Variants in CADPS observed in about 807,000 individuals in gnomAD.
CADPS encodes calcium dependent secretion activator.
CADPS carries 57 observed loss-of-function variants against 167.3 expected under a neutral mutation model. That is an observed-to-expected ratio of 0.34 (90% confidence interval 0.28 to 0.42). The LOEUF (loss-of-function observed/expected upper bound fraction) is 0.42, where lower values mean the gene tolerates loss of function less well. Among genes scored for constraint, CADPS ranks in the 20% least tolerant of loss-of-function variants. CADPS has a pLI of 1.00. For missense variants in CADPS, 1,414 were observed against 1,738.1 expected (o/e 0.81, Z 3.32); for synonymous variants, 676 against 635.3 (o/e 1.06, Z -0.96).
At chr3:62,561,635 C>T (rs1577849329) in intron 9 of CADPS, among the ~76,000 whole-genome samples, 2 of 152,022 alleles carry the variant, frequency 1.3e-5, no homozygotes, top group South Asian at 4.1e-4. Context: ...CTGTCCATAA[C>T]CTCTAAGATT....
intron 1 of CADPS, among the ~76,000 whole-genome samples, chr3:62,807,189 T>C (rs1465255456): frequency 1.3e-5 from 2 of 152,114 alleles, no homozygotes; most frequent in South Asian, 2.1e-4. Flanking sequence ...AAATCAACAC[T>C]GGGGAATCTT....
chr3:62,567,606 A>C (rs2080488449), intron 9 of CADPS, among the ~76,000 whole-genome samples: 1 of 105,278 alleles, frequency 9.5e-6, no homozygotes, highest in African/African-American at 3.8e-5. Flanking sequence ...TTAGAGTCTC[A>C]CTCTGTCTCC....
intron 6 of CADPS, among the ~76,000 whole-genome samples, chr3:62,593,560 C>T (rs2086559353): frequency 6.6e-6 from 1 of 152,188 alleles, no homozygotes; most frequent in Non-Finnish European, 1.5e-5. Flanking sequence ...GCCCCAGGTC[C>T]AGGGCACCTG....
chr3:62,562,611 A>G (rs1432338258), intron 9 of CADPS, among the ~76,000 whole-genome samples: 1 of 152,224 alleles, frequency 6.6e-6, no homozygotes, highest in Non-Finnish European at 1.5e-5. Context: ...CTGGGATTAT[A>G]GATATAAGCC....
At chr3:62,709,804 C>A (rs1029337612) in intron 3 of CADPS, among the ~76,000 whole-genome samples, 1 of 152,024 alleles carries the variant, frequency 6.6e-6, no homozygotes, top group Non-Finnish European at 1.5e-5. Context: ...GAGTCTCATT[C>A]TGTCACCCAG....
chr3:62,414,354 T>C (rs2049592402), intron 28 of CADPS, among the ~76,000 whole-genome samples: 2 of 152,272 alleles, frequency 1.3e-5, no homozygotes, highest in Admixed American at 6.5e-5. Flanking sequence ...AACAGACTTA[T>C]TAAGGTTTGG....
chr3:62,864,602 G>A (rs1451758011), intron 1 of CADPS, among the ~76,000 whole-genome samples: 2 of 152,012 alleles, frequency 1.3e-5, no homozygotes, highest in Middle Eastern at 3.2e-3. Context: ...CTTTTCACGT[G>A]GCCTTCTCCG....
At chr3:62,645,364 G>A (rs768090842) in intron 6 of CADPS, among the ~76,000 whole-genome samples, 55 of 152,096 alleles carry the variant, frequency 3.6e-4, no homozygotes, top group Non-Finnish European at 6.3e-4. Flanking sequence ...ACATTTTTAT[G>A]TCTTATACTG....
At chr3:62,445,620 C>T in intron 27 of CADPS, 145 bp downstream of exon 27, 1 of 499,592 alleles carries the variant, frequency 2.0e-6, no homozygotes, top group Non-Finnish European at 3.3e-6. Context: ...TGGCTTCTTT[C>T]TGATGATCCA....
At chr3:62,836,580 A>G (rs1037834819) in intron 1 of CADPS, among the ~76,000 whole-genome samples, 1 of 152,172 alleles carries the variant, frequency 6.6e-6, no homozygotes, top group Non-Finnish European at 1.5e-5. Flanking sequence ...CTACAAAAGC[A>G]TAAAGGTGAG....
Position 62,478,982 on chromosome 3 carries a change from C to T in CADPS, c.3174-566G>A, listed in dbSNP as rs567671254. On this transcript the variant is annotated intron_variant, in intron 22 of 29. Coordinates refer to ENST00000383710, the MANE Select transcript of CADPS (RefSeq NM_003716.4). This position sits in a 1 kb window ranked among gnomAD's most constrained non-coding sequence, Gnocchi z 5.7. ...GGTGACTCAGATCAAGAGGGGTACACCTGGATACCTTGATTCCAAAATTCT... is the reference window on the plus strand; with the variant it reads ...GGTGACTCAGATCAAGAGGGGTACATCTGGATACCTTGATTCCAAAATTCT... 3.3e-5 allele frequency among the ~76,000 whole-genome samples: 5 copies of T among 152,166 alleles called. No homozygotes were observed. Among genetic ancestry groups the T allele is most frequent in the Non-Finnish European group, 7.4e-5 (5 of 68,018 alleles).
chr3:62,452,732 TGGA>T (rs2150111412), intron 26 of CADPS, among the ~76,000 whole-genome samples: 2 of 150,948 alleles, frequency 1.3e-5, no homozygotes, highest in South Asian at 2.1e-4. Context: ...AGAAGGAGAG[TGGA>T]GGAGAAGTGG....
intron 1 of CADPS, among the ~76,000 whole-genome samples, chr3:62,767,704 AG>A (rs2087279825): frequency 1.3e-5 from 2 of 152,162 alleles, no homozygotes; most frequent in African/African-American, 4.8e-5. Context: ...AAAAGGGGTT[AG>A]AAATTTATCA....
At chr3:62,515,608 G>T (rs2068785642) in intron 16 of CADPS, among the ~76,000 whole-genome samples, 1 of 151,960 alleles carries the variant, frequency 6.6e-6, no homozygotes, top group Non-Finnish European at 1.5e-5. Context: ...GGTACTTTTG[G>T]GGGCAAGAAA....
At chr3:62,759,395 A>G (rs890124721) in intron 2 of CADPS, among the ~76,000 whole-genome samples, 6 of 152,174 alleles carry the variant, frequency 3.9e-5, no homozygotes, top group Admixed American at 1.3e-4. Flanking sequence ...AAAAAGATAT[A>G]TATTTTTTCA....
chr3:62,475,516 G>C (rs1457611977), intron 23 of CADPS, among the ~76,000 whole-genome samples: 4 of 127,402 alleles, frequency 3.1e-5, no homozygotes, highest in Admixed American at 2.0e-4. Flanking sequence ...ATGCCAGCTT[G>C]CTAACACACC....
At chr3:62,761,794 T>C (rs1410533451) in intron 2 of CADPS, among the ~76,000 whole-genome samples, 2 of 152,098 alleles carry the variant, frequency 1.3e-5, no homozygotes, top group Non-Finnish European at 2.9e-5. Context: ...TGATGCCATA[T>C]CTCAGGACCA....
At chr3:62,542,136 G>C (rs1163724160) in intron 11 of CADPS, among the ~76,000 whole-genome samples, 1 of 152,054 alleles carries the variant, frequency 6.6e-6, no homozygotes, top group Non-Finnish European at 1.5e-5. Flanking sequence ...GTCTGAAAGA[G>C]GCTCTTCTCT....
chr3:62,701,129 C>T lies in CADPS; in HGVS notation c.889-38735G>A, dbSNP rs536545457. ...CACCTCATAATACTATCACGCTGAA[C>T]GTTACGATTTCAACATATGAATTTG... On this transcript the variant is annotated intron_variant, in intron 3 of 29. Transcript: ENST00000383710. 1.3e-4 allele frequency among the ~76,000 whole-genome samples: 20 copies of T among 152,186 alleles called. No individual in the cohort carries two copies. In the South Asian group the frequency reaches 3.3e-3, roughly 25 times the overall value.
Sources: gnomAD v4.1 joint callset for allele counts (sites outside exome capture counted in the v4.1 genomes callset) on GRCh38, gnomAD v4.1.1 for gene constraint, Gnocchi (gnomAD v3.1) non-coding constraint, MANE v1.5 for transcripts, NCBI Gene and HGNC (gene_info 2026-07-23, HGNC 2026-07-21) for gene names.